Variants in TMEM132B observed in about 807,000 individuals in gnomAD.
TMEM132B encodes transmembrane protein 132B.
In TMEM132B, 18 loss-of-function variants were observed where a neutral mutation model predicts 90.8. The observed-to-expected ratio is 0.20, with a 90% CI of 0.14 to 0.29. The LOEUF (loss-of-function observed/expected upper bound fraction) is 0.29. Ranked by LOEUF, TMEM132B falls within the 10% of genes least tolerant of loss-of-function variation. TMEM132B has a pLI of 1.00. For missense variants in TMEM132B, 1,096 were observed against 1,326.8 expected (o/e 0.83, Z 2.70); for synonymous variants, 504 against 523.3 (o/e 0.96, Z 0.50).
intron 5 of TMEM132B, among the ~76,000 whole-genome samples, chr12:125,643,517 A>G (rs1566099243): frequency 6.6e-6 from 1 of 152,218 alleles, no homozygotes; most frequent in Non-Finnish European, 1.5e-5. Flanking sequence ...GAAATGCCAC[A>G]TTCGTTCTGC....
intron 5 of TMEM132B, among the ~76,000 whole-genome samples, chr12:125,618,134 G>A (rs1477987506): frequency 6.6e-6 from 1 of 152,024 alleles, no homozygotes; most frequent in African/African-American, 2.4e-5. Flanking sequence ...ATTTTTCTCT[G>A]GGTGACATCT....
chr12:125,330,037 C>T (rs531598239), intron 1 of TMEM132B, among the ~76,000 whole-genome samples: 22 of 152,198 alleles, frequency 1.4e-4, no homozygotes, highest in South Asian at 1.0e-3. Context: ...CCGTGGCCGA[C>T]GCTGTGGTCC....
chr12:125,618,241 C>T (rs1041783282), intron 5 of TMEM132B, among the ~76,000 whole-genome samples: 1 of 152,096 alleles, frequency 6.6e-6, no homozygotes, highest in African/African-American at 2.4e-5. Context: ...AGTGAGCTGA[C>T]GTGAGGGTTA....
intron 2 of TMEM132B, among the ~76,000 whole-genome samples, chr12:125,360,913 A>G (rs900958744): frequency 1.6e-4 from 25 of 151,826 alleles, no homozygotes; most frequent in Non-Finnish European, 1.3e-4. Context: ...TGTCTATGTG[A>G]CTTTGCACAT....
chr12:125,331,040 G>C (rs1876751586), intron 1 of TMEM132B, among the ~76,000 whole-genome samples: 1 of 152,366 alleles, frequency 6.6e-6, no homozygotes, highest in Admixed American at 6.5e-5. Flanking sequence ...CTCTGGAAGA[G>C]GGGAGGGATG....
At chr12:125,231,710 A>G (rs1220294971) in intron 1 of TMEM132B, among the ~76,000 whole-genome samples, 1 of 152,054 alleles carries the variant, frequency 6.6e-6, no homozygotes, top group African/African-American at 2.4e-5. Flanking sequence ...AAATTCTAGG[A>G]TTTCACAGAA....
intron 3 of TMEM132B, among the ~76,000 whole-genome samples, chr12:125,448,020 C>T (rs535049509): frequency 4.6e-5 from 7 of 152,294 alleles, no homozygotes; most frequent in African/African-American, 1.7e-4. Context: ...AATCCCAGCA[C>T]TTTGGAAGGC....
intron 2 of TMEM132B, among the ~76,000 whole-genome samples, chr12:125,350,805 T>C (rs1877544782): frequency 2.6e-5 from 4 of 152,372 alleles, no homozygotes; most frequent in Admixed American, 2.6e-4. Flanking sequence ...GACAGATGTT[T>C]ACAATTGTAA....
chr12:125,235,658 C>A (rs1873918271), intron 1 of TMEM132B, among the ~76,000 whole-genome samples: 1 of 152,156 alleles, frequency 6.6e-6, no homozygotes, highest in African/African-American at 2.4e-5. Context: ...CTGATCCGCT[C>A]TCTGTCTTTA....
chr12:125,629,946 C>T lies in TMEM132B; in HGVS notation c.1438-14130C>T, dbSNP rs572309476. Among the ~76,000 whole-genome samples, 274 of 152,126 alleles carry T rather than the reference C, an allele frequency of 1.8e-3. 3 individuals are homozygous for T. The highest frequency in any genetic ancestry group is 2.8e-3 in the Non-Finnish European group (188 of 67,910). Reference sequence around the variant, plus strand: ...GTTGACATGATGTATCACATTAATTCATTTGCATATGTTGAACCATCCTTG... The same window carrying T: ...GTTGACATGATGTATCACATTAATTTATTTGCATATGTTGAACCATCCTTG... On this transcript the variant is annotated intron_variant, in intron 5 of 8. Transcript: ENST00000682704.
At chr12:125,366,455 C>T (rs1339497902) in intron 2 of TMEM132B, among the ~76,000 whole-genome samples, 1 of 152,044 alleles carries the variant, frequency 6.6e-6, no homozygotes, top group Admixed American at 6.6e-5. Flanking sequence ...TTGATAGTGC[C>T]ATTTTAACTG....
At chr12:125,224,821 G>A (rs1873640533) in intron 1 of TMEM132B, among the ~76,000 whole-genome samples, 1 of 152,204 alleles carries the variant, frequency 6.6e-6, no homozygotes, top group South Asian at 2.1e-4. Flanking sequence ...GTAAAACTAT[G>A]CCAACAGTTT....
chr12:125,496,013 A>G (rs574860692), intron 3 of TMEM132B, among the ~76,000 whole-genome samples: 2 of 152,326 alleles, frequency 1.3e-5, no homozygotes, highest in Admixed American at 1.3e-4. Context: ...TAATTCATTG[A>G]GATTCGCTGA....
chr12:125,480,891 C>T lies in TMEM132B; in HGVS notation c.1107-38548C>T, dbSNP rs138894495. ...TACTGGCAAACCGAATCCAGCAGCA[C>T]ATCAAGAAGCTTATCCACCAAGATC... On this transcript the variant is annotated intron_variant, in intron 3 of 8. Transcript: ENST00000682704. Among the ~76,000 whole-genome samples, 820 of 151,896 alleles carry T rather than the reference C, an allele frequency of 5.4e-3. 14 individuals are homozygous for T. Among genetic ancestry groups the T allele is most frequent in the African/African-American group, 0.018 (762 of 41,456 alleles).
chr12:125,631,108 T>C (rs1886359551), intron 5 of TMEM132B, among the ~76,000 whole-genome samples: 1 of 152,148 alleles, frequency 6.6e-6, no homozygotes, highest in South Asian at 2.1e-4. Context: ...TCTTCTTTTT[T>C]TGATGTAGGC....
chr12:125,253,810 G>A (rs1158585561), intron 1 of TMEM132B, among the ~76,000 whole-genome samples: 4 of 152,108 alleles, frequency 2.6e-5, no homozygotes, highest in African/African-American at 9.7e-5. Flanking sequence ...GCCCAAGAAA[G>A]TTACAATAAT....
intron 1 of TMEM132B, among the ~76,000 whole-genome samples, chr12:125,203,290 C>G (rs1021363970): frequency 6.6e-6 from 1 of 152,124 alleles, no homozygotes; most frequent in African/African-American, 2.4e-5. Context: ...ATCGACTGCA[C>G]CTGGCTTATG....
chr12:125,490,118 G>A lies in TMEM132B; in HGVS notation c.1107-29321G>A, dbSNP rs1347400421. 6.6e-6 allele frequency among the ~76,000 whole-genome samples: 1 copy of A among 152,180 alleles called. No homozygotes were observed. Among genetic ancestry groups the A allele is most frequent in the Non-Finnish European group, 1.5e-5 (1 of 68,036 alleles). ...TTAACTCTGTAAAGAATGCTAAATG[G>A]TTTTCCTTGCCTCTTAGTAGTAACT... On this transcript the variant is annotated intron_variant, in intron 3 of 8. Coordinates refer to ENST00000682704, the MANE Select transcript of TMEM132B (RefSeq NM_001366854.1). This position sits in a 1 kb window ranked among gnomAD's most constrained non-coding sequence, Gnocchi z 4.2.
rs891291546 is a variant in TMEM132B, at chr12:125,209,448, C to T, written c.67+22582C>T. ...CTCGACTGGGGGAAGGGGTTTGGCC[C>T]CCTTTCTGTCCTGGTCACCTCAGGG... On this transcript the variant is annotated intron_variant, in intron 1 of 8. Transcript: ENST00000682704. This position sits in a 1 kb window ranked among gnomAD's most constrained non-coding sequence, Gnocchi z 4.4. Among the ~76,000 whole-genome samples, 2 of 152,244 alleles carry T rather than the reference C, an allele frequency of 1.3e-5. No homozygotes were observed. Among genetic ancestry groups the T allele is most frequent in the African/African-American group, 2.4e-5 (1 of 41,466 alleles).
Sources: gnomAD v4.1 joint callset for allele counts (sites outside exome capture counted in the v4.1 genomes callset) on GRCh38, gnomAD v4.1.1 for gene constraint, Gnocchi (gnomAD v3.1) non-coding constraint, MANE v1.5 for transcripts, NCBI Gene and HGNC (gene_info 2026-07-23, HGNC 2026-07-21) for gene names.